Variants in PPARG observed in about 807,000 individuals in gnomAD.
The protein encoded by PPARG is peroxisome proliferator-activated receptor gamma.
In PPARG, 17 loss-of-function variants were observed where a neutral mutation model predicts 39.2. The observed-to-expected ratio is 0.43, with a 90% confidence interval of 0.30 to 0.65. PPARG has a LOEUF of 0.65. Ranked by LOEUF, PPARG falls within the 30% of genes least tolerant of loss-of-function variation. PPARG has a pLI of 0.13. For missense variants in PPARG, 406 were observed against 585.9 expected (o/e 0.69, Z 3.17); for synonymous variants, 223 against 215.7 (o/e 1.03, Z -0.30).
At chr3:12,298,831 T>C (rs1314081299) in intron 1 of PPARG, among the ~76,000 whole-genome samples, 1 of 152,166 alleles carries the variant, frequency 6.6e-6, no homozygotes, top group African/African-American at 2.4e-5. Flanking sequence ...TTTTCATTTT[T>C]GTATTTTATT....
chr3:12,381,767 T>C lies in PPARG; in HGVS notation c.390+276T>C, dbSNP rs4135263. Among the ~76,000 whole-genome samples, 21,261 of 152,064 alleles carry C rather than the reference T, an allele frequency of 0.14. 1,657 individuals are homozygous for C. Among genetic ancestry groups the C allele is most frequent in the Admixed American group, 0.22 (3,287 of 15,256 alleles). ...AAAAGTTGGGCTGCTTTGCCCCACA[T>C]TTGTTTCTCCAAATTGATTCTTTGA... On this transcript the variant is annotated intron_variant, in intron 4 of 7. Transcript: ENST00000651735.
intron 6 of PPARG, among the ~76,000 whole-genome samples, chr3:12,409,468 TTATC>T (rs952383923): frequency 3.3e-5 from 5 of 152,216 alleles, no homozygotes; most frequent in Admixed American, 6.5e-5. Context: ...GATTTGTTCT[TTATC>T]TACATGGTCA....
intron 4 of PPARG, among the ~76,000 whole-genome samples, chr3:12,388,067 T>G (rs555832100): frequency 6.6e-6 from 1 of 152,276 alleles, no homozygotes; most frequent in East Asian, 1.9e-4. Context: ...TCAAGGAATA[T>G]CATAAAATAT....
chr3:12,404,419 G>A lies in PPARG; in HGVS notation c.530-1463G>A, dbSNP rs186454527. Among the ~76,000 whole-genome samples the A allele has an allele frequency of 2.4e-3, 372 of 152,284 alleles. 2 individuals are homozygous for A. The highest frequency in any genetic ancestry group is 8.6e-3 in the African/African-American group (358 of 41,560). On this transcript the variant is annotated intron_variant, in intron 5 of 7. Transcript: ENST00000651735. ...CAGTTTCTTCTTGGGAAAATCCAAG[G>A]TAATATTCACAGAGTACTCAGATGG... is the stretch of plus-strand genomic sequence containing the variant.
intron 2 of PPARG, among the ~76,000 whole-genome samples, chr3:12,329,583 G>C (rs12496005): frequency 0.27 from 41,467 of 151,920 alleles, 5,754 homozygotes; most frequent in East Asian, 0.33. Flanking sequence ...TTTAGATGTC[G>C]AACCAGTAAA....
chr3:12,419,468 T>A (rs1411200828), intron 7 of PPARG, among the ~76,000 whole-genome samples: 1 of 152,114 alleles, frequency 6.6e-6, no homozygotes, highest in South Asian at 2.1e-4. Flanking sequence ...TTTATTTTAC[T>A]TCATTTTATT....
chr3:12,392,800 G>T (rs2050127864), intron 5 of PPARG, 48 bp downstream of exon 5: 1 of 1,609,986 alleles, frequency 6.2e-7, no homozygotes. Context: ...CATTATAGCT[G>T]CCAGACCAGT....
At chr3:12,298,298 CAAAAAAAAAAAAAA>C (rs58459399) in intron 1 of PPARG, among the ~76,000 whole-genome samples, 55 of 41,360 alleles carry the variant, frequency 1.3e-3, no homozygotes, top group African/African-American at 7.3e-3. Flanking sequence ...GACTCTGTCT[CAAAAAAAAAAAAAA>C]AAAAAAAAAA....
At chr3:12,414,533 TGG>T (rs2050993803) in intron 6 of PPARG, among the ~76,000 whole-genome samples, 2 of 152,272 alleles carry the variant, frequency 1.3e-5, no homozygotes, top group South Asian at 4.1e-4. Context: ...GTAAAATGCC[TGG>T]AGGACAAGAA....
At chr3:12,287,759 G>C (rs1365566772), upstream of PPARG, 1 of 148,478 alleles carries the variant, frequency 6.7e-6, no homozygotes, top group East Asian at 2.0e-4. Context: ...CGGCGGCCGA[G>C]CCCGGGCCGC....
intron 5 of PPARG, among the ~76,000 whole-genome samples, chr3:12,393,381 G>C (rs1294854159): frequency 1.3e-5 from 2 of 151,942 alleles, no homozygotes; most frequent in African/African-American, 4.8e-5. Context: ...CTAAAGTCAA[G>C]CTTATGACTT....
chr3:12,306,810 C>T (rs915397493), intron 1 of PPARG, among the ~76,000 whole-genome samples: 31 of 152,160 alleles, frequency 2.0e-4, no homozygotes, highest in East Asian at 5.8e-4. Flanking sequence ...AGAAATCAAC[C>T]GCTGGGCCGG....
chr3:12,429,581 G>A (rs925682198), intron 7 of PPARG, among the ~76,000 whole-genome samples: 7 of 149,598 alleles, frequency 4.7e-5, no homozygotes, highest in Admixed American at 1.3e-4. Context: ...AAAGAAGCAG[G>A]TGGAGGAAGG....
At chr3:12,301,168 C>T (rs1341727228) in intron 1 of PPARG, among the ~76,000 whole-genome samples, 1 of 151,956 alleles carries the variant, frequency 6.6e-6, no homozygotes, top group South Asian at 2.1e-4. Flanking sequence ...TATGTTGGAC[C>T]TCGTAGTTGT....
intron 1 of PPARG, among the ~76,000 whole-genome samples, chr3:12,295,643 A>G (rs2046760821): frequency 6.6e-6 from 1 of 151,562 alleles, no homozygotes; most frequent in African/African-American, 2.4e-5. Flanking sequence ...CCTCCCGAGT[A>G]GCTGGGATTA....
chr3:12,329,808 CA>C (rs1223152342), intron 2 of PPARG, among the ~76,000 whole-genome samples: 8 of 152,296 alleles, frequency 5.3e-5, no homozygotes, highest in African/African-American at 1.9e-4. Flanking sequence ...ACCCACTCCC[CA>C]GCCCTGGTTA....
At chr3:12,330,302 TAAAAAAAAAA>T (rs67976990) in intron 2 of PPARG, among the ~76,000 whole-genome samples, 2 of 121,052 alleles carry the variant, frequency 1.7e-5, no homozygotes, top group Admixed American at 8.6e-5. Flanking sequence ...CACCTTTTTT[TAAAAAAAAAA>T]AAAAAAAAAA....
Position 12,311,765 on chromosome 3 carries a change from A to G in PPARG, c.-82-615A>G, listed in dbSNP as rs555237742. Reference sequence around the variant, plus strand: ...AAGAGATAAGGTTGTGAATCCTAAGACCCTAGGACCATTTACTTAGATGAT... The same window carrying G: ...AAGAGATAAGGTTGTGAATCCTAAGGCCCTAGGACCATTTACTTAGATGAT... On this transcript the variant is annotated intron_variant, in intron 1 of 7. Coordinates refer to ENST00000651735, the MANE Select transcript of PPARG (RefSeq NM_138711.6). 1.4e-4 allele frequency among the ~76,000 whole-genome samples: 22 copies of G among 152,182 alleles called. No individual in the cohort carries two copies. The South Asian group carries it at 3.3e-3, about 23-fold the overall frequency.
chr3:12,366,278 A>G (rs550881550), intron 2 of PPARG, among the ~76,000 whole-genome samples: 4 of 151,898 alleles, frequency 2.6e-5, no homozygotes, highest in African/African-American at 7.2e-5. Flanking sequence ...TGACTTTTGT[A>G]TATTAACCTT....
Sources: gnomAD v4.1 joint callset for allele counts (sites outside exome capture counted in the v4.1 genomes callset) on GRCh38, gnomAD v4.1.1 for gene constraint, MANE v1.5 for transcripts, NCBI Gene and HGNC (gene_info 2026-07-23, HGNC 2026-07-21) for gene names.